The following TECTB variants were observed in gnomAD, a reference collection of about 807,000 sequenced individuals.
TECTB encodes the protein beta-tectorin.
In TECTB, 45 loss-of-function variants were observed where a neutral mutation model predicts 43.3. That is an observed-to-expected ratio of 1.04 (90% CI 0.82 to 1.33). The LOEUF (loss-of-function observed/expected upper bound fraction) is 1.33, where lower values mean the gene tolerates loss of function less well. Among genes scored for constraint, TECTB ranks in the 40% most tolerant of loss-of-function variants. The pLI, the probability that TECTB is intolerant of heterozygous loss-of-function variation, is 0.00. For missense variants in TECTB, 399 were observed against 404.7 expected (o/e 0.99, Z 0.12); for synonymous variants, 169 against 156.7 (o/e 1.08, Z -0.59).
At position 112,303,514 on chromosome 10, in the gene TECTB, C is replaced by A; in HGVS notation, c.*202C>A. On this transcript the variant is annotated 3_prime_UTR_variant, in exon 11 of 11. Transcript: ENST00000646139. ...TTCTAAGAAAAACTTAGGCTACTTC[C>A]CGTGGCCCTTAGATCTCACAGTCCT... 1 of 635,034 alleles carries A rather than the reference C, an allele frequency of 1.6e-6. No homozygotes were observed. The highest frequency in any genetic ancestry group is 2.7e-6 in the Non-Finnish European group (1 of 365,970). 39.3% of individuals were successfully genotyped at this position (635,034 alleles called of 1,614,324 possible). A position where few individuals can be genotyped will look rare whatever the true frequency, so the allele number is the denominator to read the frequency against.
chr10:112,298,445 G>A lies in TECTB; in HGVS notation c.834+214G>A, dbSNP rs1589641576. Among the ~76,000 whole-genome samples, 3 of 152,214 alleles carry A rather than the reference G, an allele frequency of 2.0e-5. No homozygotes were observed. The East Asian group carries it at 5.8e-4, about 29-fold the overall frequency. ...TCCAACAACCCACATGGTCTGGCATGTGTCGCCTAACCTGCTGGGACCTGC... is the reference window on the plus strand; with the variant it reads ...TCCAACAACCCACATGGTCTGGCATATGTCGCCTAACCTGCTGGGACCTGC... On this transcript the variant is annotated intron_variant, in intron 8 of 10. Transcript: ENST00000646139.
chr10:112,300,279 A>AAAGAAAGAAAGAAAGGAAAGAAAGAAAG (rs1361291056), intron 9 of TECTB, among the ~76,000 whole-genome samples: 8 of 48,390 alleles, frequency 1.7e-4, no homozygotes, highest in African/African-American at 6.2e-4. Context: ...AGAAAGAAAG[A>AAAGAAAGAAAGAAAGGAAAGAAAGAAAG]AAAGAAAGAA....
Position 112,300,283 on chromosome 10 carries a change from G to GA in TECTB, c.907+722dup, listed in dbSNP as rs1478320447. On this transcript the variant is annotated intron_variant, in intron 9 of 10. Transcript: ENST00000646139. ...GAAAGAAAGAAAGAAAGAAAGAAAA[G>GA]AAAGAAAGAAAGAAAGAAAGAAAGA... Among the ~76,000 whole-genome samples, 450 of 45,190 alleles carry GA rather than the reference G, an allele frequency of 1.0e-2. 1 individual carries two copies. Among genetic ancestry groups the GA allele is most frequent in the Admixed American group, 0.045 (195 of 4,368 alleles). 29.6% of individuals were successfully genotyped at this position (45,190 alleles called of 152,430 possible). A position where few individuals can be genotyped will look rare whatever the true frequency, so the allele number is the denominator to read the frequency against.
intron 10 of TECTB, 185 bp downstream of exon 10, chr10:112,302,318 C>T (rs1848619108): frequency 1.7e-6 from 1 of 584,106 alleles, no homozygotes; most frequent in Non-Finnish European, 2.9e-6. Flanking sequence ...AGCCCCTGAA[C>T]TCTGAAGAGA....
At chr10:112,287,619 C>T (rs1848465330) in intron 5 of TECTB, among the ~76,000 whole-genome samples, 1 of 152,196 alleles carries the variant, frequency 6.6e-6, no homozygotes, top group Non-Finnish European at 1.5e-5. Context: ...CCCTGCTGAA[C>T]TCAGAAGGCG....
In TECTB at chr10:112,296,295, G is replaced by C. The variant is rs79695724; in HGVS notation, c.672-1774G>C. ...CAAAGAGCAATCTGACATGGGAAAGGAGGCTCATGCAGAGAGGGCATAAAA... is the reference window on the plus strand; with the variant it reads ...CAAAGAGCAATCTGACATGGGAAAGCAGGCTCATGCAGAGAGGGCATAAAA... On this transcript the variant is annotated intron_variant, in intron 7 of 10. Coordinates refer to ENST00000646139, the MANE Select transcript of TECTB (RefSeq NM_058222.3). Among the ~76,000 whole-genome samples the C allele has an allele frequency of 6.8e-3, 1,034 of 152,274 alleles. 11 individuals are homozygous for C. Among genetic ancestry groups the C allele is most frequent in the African/African-American group, 0.023 (971 of 41,542 alleles).
chr10:112,288,482 A>G (rs2133349076), intron 5 of TECTB, among the ~76,000 whole-genome samples: 1 of 152,228 alleles, frequency 6.6e-6, no homozygotes, highest in African/African-American at 2.4e-5. Flanking sequence ...AGACCTTTCC[A>G]GGACAAACGG....
intron 9 of TECTB, among the ~76,000 whole-genome samples, chr10:112,300,083 A>G (rs1358835600): frequency 6.6e-6 from 1 of 150,816 alleles, no homozygotes; most frequent in Non-Finnish European, 1.5e-5. Flanking sequence ...AATCACTTGA[A>G]TCTGGGAGGC....
Position 112,303,413 on chromosome 10 carries a change from T to C in TECTB, c.*101T>C. The stretch of plus-strand genomic sequence containing the variant: ...AAAAAGAACAAACAGAAGACCACAT[T>C]GTTGGGGGGCAGAGAATAGCACTTT... On this transcript the variant is annotated 3_prime_UTR_variant, in exon 11 of 11. Coordinates refer to ENST00000646139, the MANE Select transcript of TECTB (RefSeq NM_058222.3). 2 of 1,454,344 alleles carry C rather than the reference T, an allele frequency of 1.4e-6. No individual in the cohort carries two copies. Among genetic ancestry groups the C allele is most frequent in the South Asian group, 1.2e-5 (1 of 86,808 alleles). 90.1% of individuals were successfully genotyped at this position (1,454,344 alleles called of 1,614,324 possible). A position where few individuals can be genotyped will look rare whatever the true frequency, so the allele number is the denominator to read the frequency against.
chr10:112,296,815 C>G lies in TECTB; in HGVS notation c.672-1254C>G, dbSNP rs548541008. ...ACATCATGAAGGTTCCCTGGGGTAACTGGACCGCTCTCTGGCGTGTGTGCC... is the reference window on the plus strand; with the variant it reads ...ACATCATGAAGGTTCCCTGGGGTAAGTGGACCGCTCTCTGGCGTGTGTGCC... On this transcript the variant is annotated intron_variant, in intron 7 of 10. Coordinates refer to ENST00000646139, the MANE Select transcript of TECTB (RefSeq NM_058222.3). Among the ~76,000 whole-genome samples, 39 of 152,280 alleles carry G rather than the reference C, an allele frequency of 2.6e-4. No individual in the cohort carries two copies. In the South Asian group the frequency reaches 8.1e-3, roughly 32 times the overall value.
At chr10:112,298,291 T>C in intron 8 of TECTB, 60 bp downstream of exon 8, 3 of 1,560,864 alleles carry the variant, frequency 1.9e-6, no homozygotes, top group Non-Finnish European at 2.6e-6. Context: ...TTGGAGGAGC[T>C]GGAGTTTGAG....
Position 112,283,685 on chromosome 10 carries a change from T to G in TECTB, c.-50T>G. On this transcript the variant is annotated 5_prime_UTR_variant, in exon 2 of 11. Transcript: ENST00000646139. ...TCAGGCCCTGGAAGGACCGTAAACATTTGGCCAGCTTGGTTTGGATACCTG... is the reference window on the plus strand; with the variant it reads ...TCAGGCCCTGGAAGGACCGTAAACAGTTGGCCAGCTTGGTTTGGATACCTG... 2 of 1,585,084 alleles carry G rather than the reference T, an allele frequency of 1.3e-6. No individual in the cohort carries two copies. The highest frequency in any genetic ancestry group is 1.7e-6 in the Non-Finnish European group (2 of 1,155,254).
intron 9 of TECTB, among the ~76,000 whole-genome samples, chr10:112,301,657 C>T (rs997605549): frequency 5.9e-5 from 9 of 152,110 alleles, no homozygotes; most frequent in South Asian, 2.1e-4. Context: ...CTTTGTAAAC[C>T]CCCAGTATAA....
At chr10:112,303,015 T>C (rs950040309) in intron 10 of TECTB, 6 of 507,142 alleles carry the variant, frequency 1.2e-5, no homozygotes, top group Non-Finnish European at 2.1e-5. Context: ...AGTTCTACAC[T>C]GAAAGCCCTA....
At position 112,284,664 on chromosome 10, in the gene TECTB, A is replaced by G; in HGVS notation, c.206A>G (p.Tyr69Cys). The stretch of plus-strand genomic sequence containing the variant: ...AATGGGGTCCACGAAGGAGGTTACT[A>G]CCAATTTGTGATCCCAGATTTATCA... Reference protein sequence around the residue: ...CYNGVHEGGYYQFVIPDLSPK... With the variant: ...CYNGVHEGGYCQFVIPDLSPK... Residue 69 changes from tyrosine (Y) to cysteine (C), a missense_variant, in exon 3 of 11, where the codon TAC (tyrosine) becomes TGC (cysteine). Physicochemically the swap from Tyr to Cys is radical, Grantham distance 194. Transcript: ENST00000646139. The G allele has an allele frequency of 6.2e-7, 1 of 1,613,138 alleles. No individual in the cohort carries two copies. The highest frequency in any genetic ancestry group is 2.2e-5 in the East Asian group (1 of 44,830).
At chr10:112,284,224 T>C (rs1449416565) in intron 2 of TECTB, among the ~76,000 whole-genome samples, 1 of 152,232 alleles carries the variant, frequency 6.6e-6, no homozygotes, top group Admixed American at 6.5e-5. Flanking sequence ...GAGATTTTAA[T>C]ATATATTTAT....
intron 3 of TECTB, among the ~76,000 whole-genome samples, chr10:112,285,190 A>T (rs1043201062): frequency 6.6e-6 from 1 of 152,230 alleles, no homozygotes; most frequent in Non-Finnish European, 1.5e-5. Context: ...ATATCATAAG[A>T]TAATTATTAG....
chr10:112,297,608 CA>C (rs1195738613), intron 7 of TECTB, among the ~76,000 whole-genome samples: 1 of 152,048 alleles, frequency 6.6e-6, no homozygotes, highest in Non-Finnish European at 1.5e-5. Flanking sequence ...ACCATAAATA[CA>C]AATTTTCAAT....
chr10:112,304,666 C>T lies in TECTB; in HGVS notation c.*1354C>T, dbSNP rs1375623738. 1 of 142,630 alleles carries T rather than the reference C, an allele frequency of 7.0e-6. No individual in the cohort carries two copies. Among genetic ancestry groups the T allele is most frequent in the African/African-American group, 3.1e-5 (1 of 32,362 alleles). 8.8% of individuals were successfully genotyped at this position (142,630 alleles called of 1,614,324 possible). A position where few individuals can be genotyped will look rare whatever the true frequency, so the allele number is the denominator to read the frequency against. ...TTGCAGTTTGATGATTCTTTTACAA[C>T]TTGTGTTAGTGAACTCAGAGATTAA... On this transcript the variant is annotated 3_prime_UTR_variant, in exon 11 of 11. Transcript: ENST00000646139.
Sources: gnomAD v4.1 joint callset for allele counts (sites outside exome capture counted in the v4.1 genomes callset) on GRCh38, gnomAD v4.1.1 for gene constraint, MANE v1.5 for transcripts, NCBI Gene and HGNC (gene_info 2026-07-23, HGNC 2026-07-21) for gene names.